The following KLHL14 variants were observed in gnomAD, a reference collection of about 807,000 sequenced individuals.
KLHL14 encodes kelch like family member 14, also known as kelch-like protein 14.
In KLHL14, 22 loss-of-function variants were observed where a neutral mutation model predicts 64.3. The observed-to-expected ratio is 0.34, with a 90% confidence interval of 0.24 to 0.49. The LOEUF (loss-of-function observed/expected upper bound fraction) is 0.49, where lower values mean the gene tolerates loss of function less well. KLHL14 is among the 20% of genes least tolerant of loss of function. The probability of loss-of-function intolerance (pLI) is 0.99; values close to 1 mark genes in which losing one functional copy is unlikely to be tolerated. For missense variants in KLHL14, 661 were observed against 789.0 expected (o/e 0.84, Z 1.94); for synonymous variants, 322 against 333.4 (o/e 0.97, Z 0.37).
At position 32,770,392 on chromosome 18, in the gene KLHL14, G is replaced by T; in HGVS notation, c.200C>A (p.Pro67His). Residue 67 changes from proline (P) to histidine (H), a missense_variant, in exon 2 of 9, where the codon CCT (proline) becomes CAT (histidine). Around this residue, in one of 2 missense-constraint regions of KLHL14, gnomAD observed 331 missense variants for 339.0 expected, o/e 0.98. Transcript: ENST00000359358. This position sits in a 1 kb window ranked among gnomAD's most constrained non-coding sequence, Gnocchi z 6.7. The stretch of plus-strand genomic sequence containing the variant: ...CTGGCCGCCGACCCCTCCCCCGAGA[G>T]GGGGGTGGCTGGAGAAGAGCGATCG... ...YFRSLFSSHP[P>H]LGGGVGGQDG... 2 of 1,595,562 alleles carry T rather than the reference G, an allele frequency of 1.3e-6. No homozygotes were observed. The highest frequency in any genetic ancestry group is 1.7e-6 in the Non-Finnish European group (2 of 1,169,902).
intron 2 of KLHL14, among the ~76,000 whole-genome samples, chr18:32,742,451 C>G (rs2050203882): frequency 6.6e-6 from 1 of 152,172 alleles, no homozygotes; most frequent in Non-Finnish European, 1.5e-5. Context: ...ATTCTCCACT[C>G]AAAGAACCTT....
At chr18:32,768,550 G>A (rs191379761) in intron 2 of KLHL14, among the ~76,000 whole-genome samples, 8 of 152,176 alleles carry the variant, frequency 5.3e-5, no homozygotes, top group African/African-American at 9.6e-5. Flanking sequence ...TAACACTTTG[G>A]TGGTTAGGCT....
In KLHL14 at chr18:32,714,415, A is replaced by G. The variant is rs145344660; in HGVS notation, c.1070-18863T>C. On this transcript the variant is annotated intron_variant, in intron 3 of 8. Coordinates refer to ENST00000359358, the MANE Select transcript of KLHL14 (RefSeq NM_020805.3). ...TGCCCACTTCCTGATAGAACAAAGT[A>G]TTACAGTAGTAATATTAATTCTGGT... 3.6e-3 allele frequency among the ~76,000 whole-genome samples: 541 copies of G among 152,328 alleles called. 5 individuals carry two copies. The highest frequency in any genetic ancestry group is 0.013 in the African/African-American group (529 of 41,580).
At chr18:32,750,670 C>A (rs1027935965) in intron 2 of KLHL14, among the ~76,000 whole-genome samples, 1 of 152,168 alleles carries the variant, frequency 6.6e-6, no homozygotes, top group Non-Finnish European at 1.5e-5. Context: ...CACCGAATTT[C>A]ATGGTATCCT....
At chr18:32,677,109 G>A (rs746050775) in intron 8 of KLHL14, 64 bp downstream of exon 8, 111 of 1,512,246 alleles carry the variant, frequency 7.3e-5, no homozygotes, top group Non-Finnish European at 9.5e-5. Context: ...AACACATTTG[G>A]AAGGATACAG....
At chr18:32,756,543 T>C (rs1240978265) in intron 2 of KLHL14, among the ~76,000 whole-genome samples, 1 of 152,198 alleles carries the variant, frequency 6.6e-6, no homozygotes, top group African/African-American at 2.4e-5. Context: ...ATTAAACTGA[T>C]GGAAGGCTTG....
At chr18:32,767,812 T>A (rs1176814915) in intron 2 of KLHL14, among the ~76,000 whole-genome samples, 1 of 152,244 alleles carries the variant, frequency 6.6e-6, no homozygotes, top group Non-Finnish European at 1.5e-5. Flanking sequence ...CTGCCAAAAT[T>A]ACTCTTAGAA....
intron 4 of KLHL14, among the ~76,000 whole-genome samples, chr18:32,694,025 C>A (rs1027710543): frequency 6.6e-6 from 1 of 152,072 alleles, no homozygotes; most frequent in African/African-American, 2.4e-5. Flanking sequence ...AACAGGTTTT[C>A]TGTGTTGCTG....
chr18:32,680,117 T>C lies in KLHL14; in HGVS notation c.1588+52A>G. ...AAGGAGAAACCCCCTTAGCGAGAAA[T>C]ATGAGGTGCAAATGTTATTGTGACT... On this transcript the variant is annotated intron_variant, in intron 7 of 8. Coordinates refer to ENST00000359358, the MANE Select transcript of KLHL14 (RefSeq NM_020805.3). This position sits in a 1 kb window ranked among gnomAD's most constrained non-coding sequence, Gnocchi z 4.8. 1 of 1,569,026 alleles carries C rather than the reference T, an allele frequency of 6.4e-7. No homozygotes were observed.
chr18:32,690,726 A>G (rs561440814), intron 4 of KLHL14, among the ~76,000 whole-genome samples: 1 of 152,236 alleles, frequency 6.6e-6, no homozygotes, highest in Non-Finnish European at 1.5e-5. Flanking sequence ...GAGACTCCAC[A>G]AAAACAAAAC....
At chr18:32,743,321 T>A (rs935804150) in intron 2 of KLHL14, 2 of 152,226 alleles carry the variant, frequency 1.3e-5, no homozygotes, top group African/African-American at 2.4e-5. Context: ...CTTGGCGAAG[T>A]ATGCCCTTGT....
intron 7 of KLHL14, among the ~76,000 whole-genome samples, chr18:32,679,696 TA>T (rs1213525650): frequency 6.6e-6 from 1 of 152,138 alleles, no homozygotes; most frequent in African/African-American, 2.4e-5. Flanking sequence ...ATTGAATTCT[TA>T]AAAAAATTCT....
chr18:32,754,200 G>T (rs1447651259), intron 2 of KLHL14, among the ~76,000 whole-genome samples: 1 of 152,172 alleles, frequency 6.6e-6, no homozygotes, highest in Non-Finnish European at 1.5e-5. Context: ...TCACTCTCAG[G>T]CTAGTGATGG....
chr18:32,746,990 C>T (rs138547972), intron 2 of KLHL14, among the ~76,000 whole-genome samples: 410 of 152,332 alleles, frequency 2.7e-3, no homozygotes, highest in African/African-American at 9.5e-3. Flanking sequence ...CTTGAGGACA[C>T]TGACTTGGTC....
At chr18:32,693,573 C>T (rs972599685) in intron 4 of KLHL14, among the ~76,000 whole-genome samples, 19 of 152,162 alleles carry the variant, frequency 1.2e-4, no homozygotes, top group African/African-American at 4.6e-4. Flanking sequence ...ATAGTCACAT[C>T]GTTAGCATTA....
chr18:32,676,997 A>G (rs531251986), intron 8 of KLHL14, among the ~76,000 whole-genome samples, 176 bp downstream of exon 8: 1 of 152,286 alleles, frequency 6.6e-6, no homozygotes, highest in South Asian at 2.1e-4. Flanking sequence ...TCAGCTAGCA[A>G]GCCAGTTCAA....
intron 3 of KLHL14, among the ~76,000 whole-genome samples, chr18:32,725,777 G>A (rs1261757416): frequency 6.6e-6 from 1 of 152,214 alleles, no homozygotes; most frequent in African/African-American, 2.4e-5. Context: ...AATATCCCCT[G>A]AGAGTCAGTA....
chr18:32,769,397 T>A, intron 2 of KLHL14, among the ~76,000 whole-genome samples: 1 of 152,198 alleles, frequency 6.6e-6, no homozygotes, highest in East Asian at 1.9e-4. Context: ...TGTTTACGGC[T>A]CTGGGGATAT....
At chr18:32,709,156 C>A (rs906144426) in intron 3 of KLHL14, among the ~76,000 whole-genome samples, 3 of 152,212 alleles carry the variant, frequency 2.0e-5, no homozygotes, top group Non-Finnish European at 4.4e-5. Flanking sequence ...GCCCTGGATA[C>A]CTTTCCAAGC....
Sources: allele counts gnomAD v4.1 joint callset (sites outside exome capture counted in the v4.1 genomes callset), GRCh38; gene constraint gnomAD v4.1.1; regional missense constraint gnomAD v4.1.1; non-coding constraint Gnocchi (gnomAD v3.1); transcripts MANE v1.5; gene names NCBI Gene and HGNC (gene_info 2026-07-23, HGNC 2026-07-21).